Variants in CFAP47 observed in about 807,000 individuals in gnomAD.
CFAP47 encodes the protein cilia- and flagella-associated protein 47.
Under a neutral mutation model 148.1 loss-of-function variants are expected in CFAP47, and 29 were observed. The observed-to-expected ratio is 0.20, with a 90% CI of 0.15 to 0.27. The LOEUF (loss-of-function observed/expected upper bound fraction) is 0.27. CFAP47 is among the 10% of genes least tolerant of loss of function. The pLI is 1.00. For missense variants in CFAP47, 1,872 were observed against 1,697.5 expected (o/e 1.10, Z -1.81); for synonymous variants, 664 against 577.3 (o/e 1.15, Z -2.15).
chrX:36,354,230 C>A (rs1941766799), intron 60 of CFAP47, among the ~76,000 whole-genome samples: 1 of 110,381 alleles, frequency 9.1e-6, no homozygotes. Context: ...GCCTGTAATC[C>A]CAGCACTTTG....
At chrX:36,345,236 A>T (rs1602118594) in intron 57 of CFAP47, among the ~76,000 whole-genome samples, 3 of 111,696 alleles carry the variant, frequency 2.7e-5, no homozygotes, top group Admixed American at 1.9e-4. Flanking sequence ...AAAGTTGAAG[A>T]TAATTGAGTT....
intron 1 of CFAP47, among the ~76,000 whole-genome samples, chrX:35,921,484 G>A (rs1024986184): frequency 6.3e-5 from 7 of 111,776 alleles, no homozygotes; most frequent in African/African-American, 1.9e-4. Context: ...ACAAGCTGGT[G>A]GTAATAATGT....
At chrX:36,259,605 C>T (rs1031727180) in intron 49 of CFAP47, among the ~76,000 whole-genome samples, 11 of 111,238 alleles carry the variant, frequency 9.9e-5, no homozygotes, top group Non-Finnish European at 1.9e-4. Flanking sequence ...TTAGGCACAT[C>T]GTTTGTCAAT....
chrX:36,304,404 A>G lies in CFAP47; in HGVS notation c.8082+444A>G, dbSNP rs1167229786. The stretch of plus-strand genomic sequence containing the variant: ...CTCCAAAAGTAATCAAAAAAAAAAA[A>G]AAGGATTTTCTTTTATATACTTCTC... On this transcript the variant is annotated intron_variant, in intron 54 of 63. Transcript: ENST00000378653. Among the ~76,000 whole-genome samples, 15 of 110,442 alleles carry G rather than the reference A, an allele frequency of 1.4e-4. No individual in the cohort carries two copies. The Admixed American group carries it at 1.5e-3, about 11-fold the overall frequency.
At chrX:36,219,323 T>A (rs965476021) in intron 45 of CFAP47, among the ~76,000 whole-genome samples, 1 of 111,665 alleles carries the variant, frequency 9.0e-6, no homozygotes, top group East Asian at 2.8e-4. Context: ...TCATCAGTCT[T>A]ATGATATCTA....
At chrX:36,319,122 A>G (rs1941458918) in intron 56 of CFAP47, 87 bp from the exon 57 acceptor site, 1 of 443,688 alleles carries the variant, frequency 2.3e-6, no homozygotes, top group Non-Finnish European at 3.8e-6. Context: ...CTATTAGAGG[A>G]TAATTTTTAT....
intron 35 of CFAP47, among the ~76,000 whole-genome samples, chrX:36,142,388 A>G (rs1939158015): frequency 9.0e-6 from 1 of 110,982 alleles, no homozygotes; most frequent in Admixed American, 9.7e-5. Context: ...ACATTCCTGC[A>G]TTTTGTTAAT....
chrX:35,950,423 T>C (rs1029373135), intron 4 of CFAP47, among the ~76,000 whole-genome samples: 1 of 111,847 alleles, frequency 8.9e-6, no homozygotes, highest in African/African-American at 3.3e-5. Flanking sequence ...TGGAATGCAG[T>C]GGTGCAATCA....
At chrX:36,130,222 T>C (rs1454127545) in intron 33 of CFAP47, among the ~76,000 whole-genome samples, 1 of 110,993 alleles carries the variant, frequency 9.0e-6, no homozygotes, top group Non-Finnish European at 1.9e-5. Context: ...AACAACTCCA[T>C]AGGAACAAAA....
chrX:36,301,091 A>G lies in CFAP47; in HGVS notation c.7882A>G (p.Met2628Val). Residue 2628 changes from methionine (M) to valine (V), a missense_variant, in exon 53 of 64, where the codon ATG (methionine) becomes GTG (valine). Met to Val is a conservative substitution (Grantham distance 21). Coordinates refer to ENST00000378653, the MANE Select transcript of CFAP47 (RefSeq NM_001304548.2). ...CACCAGCATTATTTTTCAGCCTGAA[A>G]TGGCTGAAGAGTTCTGGTATTTACT... ...SDESIIFQPE[M>V]AEEFWYLLKL... 8.7e-7 allele frequency: 1 copy of G among 1,148,385 alleles called. No homozygotes were observed. Among genetic ancestry groups the G allele is most frequent in the Non-Finnish European group, 1.2e-6 (1 of 858,890 alleles). 94.6% of individuals were successfully genotyped at this position (1,148,385 alleles called of 1,213,427 possible). A position where few individuals can be genotyped will look rare whatever the true frequency, so the allele number is the denominator to read the frequency against.
At position 36,193,362 on chromosome X, in the gene CFAP47, G is replaced by A. The variant is rs187187018; in HGVS notation, c.6321+3166G>A. On this transcript the variant is annotated intron_variant, in intron 42 of 63. Coordinates refer to ENST00000378653, the MANE Select transcript of CFAP47 (RefSeq NM_001304548.2). ...TTTATATTTAAGCAGACTAACTTTT[G>A]TTTTATTAGAGATATATTTATAGCT... Among the ~76,000 whole-genome samples, 369 of 111,772 alleles carry A rather than the reference G, an allele frequency of 3.3e-3. 1 individual carries two copies. The highest frequency in any genetic ancestry group is 0.011 in the African/African-American group (328 of 30,792).
intron 24 of CFAP47, among the ~76,000 whole-genome samples, chrX:36,036,915 T>C (rs1937344856): frequency 8.9e-6 from 1 of 112,414 alleles, no homozygotes; most frequent in Non-Finnish European, 1.9e-5. Flanking sequence ...ATTTTAGCTT[T>C]GTGTGTGAGA....
At chrX:36,229,544 T>A (rs781943272) in intron 46 of CFAP47, among the ~76,000 whole-genome samples, 63 of 111,696 alleles carry the variant, frequency 5.6e-4, no homozygotes, top group Non-Finnish European at 9.6e-4. Context: ...TGCTCTTATG[T>A]GACATAGAAA....
chrX:36,175,908 G>A lies in CFAP47; in HGVS notation c.6027-3437G>A, dbSNP rs770357067. 3.6e-4 allele frequency among the ~76,000 whole-genome samples: 31 copies of A among 85,539 alleles called. 1 individual carries two copies. The highest frequency in any genetic ancestry group is 1.1e-3 in the South Asian group (2 of 1,828). The allele number at this position is 85,539 out of a possible 115,157, so 74.3% of individuals were successfully genotyped here. ...GCGCCCCTCCCCCAGCCTCGCTGCC[G>A]CCTTGCAGTTTGATCTCAGACTGCT... On this transcript the variant is annotated intron_variant, in intron 39 of 63. Transcript: ENST00000378653.
chrX:36,040,130 T>A (rs368640619), intron 25 of CFAP47, among the ~76,000 whole-genome samples: 24 of 111,450 alleles, frequency 2.2e-4, no homozygotes, highest in Non-Finnish European at 1.3e-4. Flanking sequence ...CAAAGTGAAA[T>A]GATAGGAAGA....
intron 8 of CFAP47, among the ~76,000 whole-genome samples, chrX:35,966,323 A>G (rs770379539): frequency 0.02 from 1,858 of 94,207 alleles, 536 homozygotes; most frequent in African/African-American, 0.13. Context: ...ATATTTAAGA[A>G]ATATTAGCTG....
At chrX:35,948,660 C>A (rs1000521972) in intron 4 of CFAP47, among the ~76,000 whole-genome samples, 2 of 111,620 alleles carry the variant, frequency 1.8e-5, no homozygotes, top group Non-Finnish European at 3.8e-5. Flanking sequence ...ACAGGATCTT[C>A]TATTTTGAAT....
rs782655143 is a variant in CFAP47, at chrX:36,361,931, C to T, written c.9023+430C>T. On this transcript the variant is annotated intron_variant, in intron 61 of 63. Coordinates refer to ENST00000378653, the MANE Select transcript of CFAP47 (RefSeq NM_001304548.2). ...TTACATTTTACTACTCAATACATAA[C>T]ATTACACATTCCTTAGTAAGATATA... Among the ~76,000 whole-genome samples the T allele has an allele frequency of 8.4e-4, 94 of 112,157 alleles. 2 individuals are homozygous for T. Among genetic ancestry groups the T allele is most frequent in the Admixed American group, 4.3e-3 (45 of 10,524 alleles).
At chrX:35,972,480 C>T (rs1936509490) in intron 13 of CFAP47, among the ~76,000 whole-genome samples, 1 of 111,184 alleles carries the variant, frequency 9.0e-6, no homozygotes, top group Non-Finnish European at 1.9e-5. Context: ...GACCCACCAG[C>T]CTTGGTCTCC....
Sources: allele counts gnomAD v4.1 joint callset (sites outside exome capture counted in the v4.1 genomes callset), GRCh38; gene constraint gnomAD v4.1.1; transcripts MANE v1.5; gene names NCBI Gene and HGNC (gene_info 2026-07-23, HGNC 2026-07-21).